Variants in POLR3B observed in about 807,000 individuals in gnomAD.
The protein encoded by POLR3B is RNA polymerase III subunit B.
POLR3B carries 96 observed loss-of-function variants against 147.4 expected under a neutral mutation model. The observed-to-expected ratio is 0.65, with a 90% CI of 0.55 to 0.77. The LOEUF (loss-of-function observed/expected upper bound fraction) is 0.77. POLR3B is among the 30% of genes least tolerant of loss of function. POLR3B has a pLI of 0.00. For missense variants in POLR3B, 1,036 were observed against 1,413.5 expected, an observed-to-expected ratio of 0.73 and a Z score of 4.28; for synonymous variants, 461 against 485.9, an observed-to-expected ratio of 0.95 and a Z score of 0.67.
chr12:106,474,804 T>G (rs1294283317), intron 23 of POLR3B, among the ~76,000 whole-genome samples: 1 of 151,902 alleles, frequency 6.6e-6, no homozygotes, highest in African/African-American at 2.4e-5. Context: ...TGTTGATCCT[T>G]TCAAAAAACC....
chr12:106,392,934 A>T (rs1446870515), intron 9 of POLR3B, 97 bp from the exon 10 acceptor site: 9 of 1,490,222 alleles, frequency 6.0e-6, no homozygotes, highest in African/African-American at 5.5e-5. Context: ...GCTTTTGCTT[A>T]GAAGTAATAC....
At chr12:106,423,097 T>A (rs2037392750) in intron 12 of POLR3B, among the ~76,000 whole-genome samples, 1 of 152,138 alleles carries the variant, frequency 6.6e-6, no homozygotes, top group African/African-American at 2.4e-5. Context: ...TTCAAAAATA[T>A]ACAAAAATAG....
intron 19 of POLR3B, among the ~76,000 whole-genome samples, chr12:106,447,624 C>T (rs980136171): frequency 2.0e-5 from 3 of 152,302 alleles, no homozygotes; most frequent in African/African-American, 4.8e-5. Flanking sequence ...GTCCTCTCAT[C>T]GGCACCCGAT....
At chr12:106,419,002 C>T (rs1159957325) in intron 12 of POLR3B, among the ~76,000 whole-genome samples, 1 of 152,128 alleles carries the variant, frequency 6.6e-6, no homozygotes, top group Non-Finnish European at 1.5e-5. Context: ...TAATTTGAGA[C>T]AAAAGTGTCT....
At chr12:106,379,615 T>C (rs532078298) in intron 8 of POLR3B, among the ~76,000 whole-genome samples, 1 of 152,354 alleles carries the variant, frequency 6.6e-6, no homozygotes, top group African/African-American at 2.4e-5. Context: ...ACTGTGGGTA[T>C]ATTTTGTTGA....
chr12:106,469,914 G>A (rs770489655), intron 23 of POLR3B, among the ~76,000 whole-genome samples: 11 of 152,148 alleles, frequency 7.2e-5, no homozygotes, highest in Admixed American at 1.3e-4. Context: ...TGGTGAATCT[G>A]ACAATTACAT....
chr12:106,407,052 T>C (rs1160202837), intron 11 of POLR3B, among the ~76,000 whole-genome samples: 1 of 152,232 alleles, frequency 6.6e-6, no homozygotes, highest in Admixed American at 6.5e-5. Flanking sequence ...ATCCAAATAA[T>C]ACAGGTCTCT....
intron 23 of POLR3B, among the ~76,000 whole-genome samples, chr12:106,467,991 G>C (rs1459803357): frequency 1.2e-4 from 19 of 152,072 alleles, no homozygotes; most frequent in Non-Finnish European, 2.4e-4. Context: ...AGGATTCCCT[G>C]TTTTTCTATT....
chr12:106,479,690 T>C (rs117468087), intron 23 of POLR3B, among the ~76,000 whole-genome samples: 1,898 of 152,290 alleles, frequency 0.012, 19 homozygotes, highest in Non-Finnish European at 0.02. Flanking sequence ...GCCTATTCTT[T>C]CTCTTATAGC....
intron 23 of POLR3B, among the ~76,000 whole-genome samples, chr12:106,486,287 CAAAAAAAAAAAAAAAA>C (rs1195017160): frequency 4.6e-4 from 13 of 28,278 alleles, no homozygotes; most frequent in Non-Finnish European, 5.7e-4. Context: ...GACTCCGTCT[CAAAAAAAAAAAAAAAA>C]AAAAAAAAAA....
intron 26 of POLR3B, among the ~76,000 whole-genome samples, chr12:106,502,676 G>A (rs2038620347): frequency 1.3e-5 from 2 of 151,994 alleles, no homozygotes; most frequent in East Asian, 1.9e-4. Flanking sequence ...ATTTAAAACT[G>A]AGCACATGCA....
intron 6 of POLR3B, among the ~76,000 whole-genome samples, chr12:106,372,785 T>A (rs1165627343): frequency 6.6e-6 from 1 of 152,224 alleles, no homozygotes; most frequent in African/African-American, 2.4e-5. Flanking sequence ...CTTCCAATTT[T>A]TCCTTCTTGT....
chr12:106,360,900 C>T (rs1261368506), intron 1 of POLR3B, among the ~76,000 whole-genome samples: 2 of 152,152 alleles, frequency 1.3e-5, no homozygotes, highest in South Asian at 4.2e-4. Context: ...TACAAGTAGG[C>T]GAGGGGTATT....
At chr12:106,496,970 A>G (rs749225891) in intron 25 of POLR3B, 52 bp downstream of exon 25, 1 of 1,551,630 alleles carries the variant, frequency 6.4e-7, no homozygotes, top group South Asian at 1.1e-5. Flanking sequence ...TTACTAGGAT[A>G]GGGGAGACAA....
chr12:106,393,891 G>A (rs2036948753), intron 10 of POLR3B, among the ~76,000 whole-genome samples: 1 of 152,080 alleles, frequency 6.6e-6, no homozygotes, highest in Non-Finnish European at 1.5e-5. Flanking sequence ...ATATTTGCAA[G>A]TGCTTTCCTA....
chr12:106,398,276 G>C (rs1157634156), intron 10 of POLR3B, among the ~76,000 whole-genome samples: 2 of 152,238 alleles, frequency 1.3e-5, no homozygotes, highest in African/African-American at 4.8e-5. Flanking sequence ...GCGGCAGCGA[G>C]GCTGGGGGAG....
chr12:106,470,305 T>C (rs879677283), intron 23 of POLR3B, among the ~76,000 whole-genome samples: 8 of 152,120 alleles, frequency 5.3e-5, no homozygotes, highest in Non-Finnish European at 1.0e-4. Flanking sequence ...TTACATCAGG[T>C]CATTTAAGCT....
intron 4 of POLR3B, 43 bp from the exon 5 acceptor site, chr12:106,369,232 C>T: frequency 9.9e-7 from 1 of 1,011,160 alleles, no homozygotes; most frequent in Non-Finnish European, 1.6e-6. Flanking sequence ...CTTTTATGAT[C>T]TTCGAAGAAG....
chr12:106,431,622 A>G (rs914176910), intron 14 of POLR3B, among the ~76,000 whole-genome samples: 16 of 152,242 alleles, frequency 1.1e-4, no homozygotes, highest in African/African-American at 3.9e-4. Flanking sequence ...GATTTTCCAC[A>G]ATCTTTCATC....
Sources: allele counts gnomAD v4.1 joint callset (sites outside exome capture counted in the v4.1 genomes callset), GRCh38; gene constraint gnomAD v4.1.1; transcripts MANE v1.5; gene names NCBI Gene and HGNC (gene_info 2026-07-23, HGNC 2026-07-21).